The following SMYD3 variants were observed in gnomAD, a reference collection of about 807,000 sequenced individuals.
SMYD3 encodes the protein histone-lysine N-methyltransferase SMYD3.
Under a neutral mutation model 57.7 loss-of-function variants are expected in SMYD3, and 36 were observed. The ratio of observed to expected loss-of-function variants is 0.62; its 90% CI spans 0.48 to 0.82. The LOEUF (loss-of-function observed/expected upper bound fraction) is 0.82. SMYD3 is among the 40% of genes least tolerant of loss of function. SMYD3 has a pLI of 0.00. For synonymous variants in SMYD3, 211 were observed against 195.0 expected, an observed-to-expected ratio of 1.08 and a Z score of -0.68; for missense variants, 515 against 538.8, an observed-to-expected ratio of 0.96 and a Z score of 0.44.
intron 1 of SMYD3, chr1:246,483,390 T>A (rs978733765): frequency 2.0e-4 from 30 of 152,198 alleles, no homozygotes; most frequent in African/African-American, 7.2e-4. Flanking sequence ...CAGTTATCAT[T>A]TATAGCATGA....
At chr1:246,442,555 A>T (rs926223653) in intron 1 of SMYD3, among the ~76,000 whole-genome samples, 1 of 151,866 alleles carries the variant, frequency 6.6e-6, no homozygotes, top group Non-Finnish European at 1.5e-5. Context: ...TCTCAAAAAA[A>T]AATAAAATAA....
At chr1:246,221,310 C>T (rs2063250457) in intron 5 of SMYD3, among the ~76,000 whole-genome samples, 2 of 152,192 alleles carry the variant, frequency 1.3e-5, no homozygotes, top group Non-Finnish European at 2.9e-5. Flanking sequence ...AGTAAAGCTC[C>T]TCTTCATCCT....
At chr1:246,235,977 A>G (rs1240773475) in intron 5 of SMYD3, among the ~76,000 whole-genome samples, 3 of 152,208 alleles carry the variant, frequency 2.0e-5, no homozygotes, top group Non-Finnish European at 4.4e-5. Flanking sequence ...CCATCATCAC[A>G]GAAAGCACTA....
chr1:246,453,783 C>T (rs2067664708), intron 1 of SMYD3, among the ~76,000 whole-genome samples: 1 of 152,142 alleles, frequency 6.6e-6, no homozygotes, highest in Non-Finnish European at 1.5e-5. Flanking sequence ...ATCTTTTAGG[C>T]CAACCCTTAA....
At chr1:246,057,847 C>A (rs1234954052) in intron 5 of SMYD3, among the ~76,000 whole-genome samples, 1 of 152,192 alleles carries the variant, frequency 6.6e-6, no homozygotes, top group Non-Finnish European at 1.5e-5. Flanking sequence ...TTGGAAGTAA[C>A]CCAGATGGCC....
chr1:245,889,119 T>G (rs1558461383), intron 8 of SMYD3, among the ~76,000 whole-genome samples: 1 of 152,202 alleles, frequency 6.6e-6, no homozygotes, highest in African/African-American at 2.4e-5. Flanking sequence ...GGCAGAGACC[T>G]ATAGAACTCC....
At chr1:246,481,591 TCC>T (rs1266184576) in intron 1 of SMYD3, among the ~76,000 whole-genome samples, 14 of 79,306 alleles carry the variant, frequency 1.8e-4, no homozygotes, top group African/African-American at 7.8e-4. Context: ...CTTCTCAGGC[TCC>T]ATATATATAT....
At chr1:246,253,464 G>A (rs1403642058) in intron 5 of SMYD3, among the ~76,000 whole-genome samples, 1 of 152,120 alleles carries the variant, frequency 6.6e-6, no homozygotes, top group East Asian at 1.9e-4. Flanking sequence ...CTTTCTTAAG[G>A]CCACATTGTA....
intron 10 of SMYD3, among the ~76,000 whole-genome samples, chr1:245,813,980 G>A (rs182654415): frequency 1.3e-5 from 2 of 150,806 alleles, no homozygotes; most frequent in African/African-American, 4.9e-5. Context: ...TTTCTTCATT[G>A]TTTCACCTTT....
intron 5 of SMYD3, among the ~76,000 whole-genome samples, chr1:246,138,367 A>G (rs1264498316): frequency 6.6e-6 from 1 of 151,970 alleles, no homozygotes; most frequent in Non-Finnish European, 1.5e-5. Context: ...AAAACAAAAA[A>G]CCTGACTGCA....
chr1:246,439,116 G>T (rs954713914), intron 1 of SMYD3, among the ~76,000 whole-genome samples: 13 of 134,836 alleles, frequency 9.6e-5, no homozygotes, highest in Admixed American at 3.8e-4. Context: ...GGGGGGGGGG[G>T]TTCCCAATTT....
intron 5 of SMYD3, among the ~76,000 whole-genome samples, chr1:245,992,807 G>C (rs112769276): frequency 4.5e-3 from 1 of 222 alleles, no homozygotes. Flanking sequence ...TCATGGATCG[G>C]CCACTTCTAG....
At chr1:246,478,789 C>T (rs1198502626) in intron 1 of SMYD3, among the ~76,000 whole-genome samples, 1 of 35,452 alleles carries the variant, frequency 2.8e-5, no homozygotes, top group African/African-American at 7.3e-5. Flanking sequence ...ACCTGTCCTC[C>T]GTCCTGGAGC....
At chr1:245,842,675 C>T (rs1236564760) in intron 10 of SMYD3, among the ~76,000 whole-genome samples, 1 of 152,116 alleles carries the variant, frequency 6.6e-6, no homozygotes, top group African/African-American at 2.4e-5. Context: ...CACTCATCTC[C>T]ACTGGTGAAA....
chr1:246,457,375 T>C (rs1318289519), intron 1 of SMYD3, among the ~76,000 whole-genome samples: 2 of 151,164 alleles, frequency 1.3e-5, no homozygotes, highest in South Asian at 2.1e-4. Context: ...CTATTAAAAA[T>C]ACAAAAAATT....
chr1:246,306,096 C>A (rs1171332575), intron 5 of SMYD3: 2 of 152,288 alleles, frequency 1.3e-5, no homozygotes, highest in East Asian at 3.9e-4. Context: ...TCAACAGGAT[C>A]CCAGCACATT....
intron 10 of SMYD3, among the ~76,000 whole-genome samples, chr1:245,765,925 C>G (rs1466935853): frequency 6.6e-6 from 1 of 152,136 alleles, no homozygotes; most frequent in African/African-American, 2.4e-5. Flanking sequence ...CCAGGAGAGA[C>G]AGGTATGTTC....
At chr1:245,820,905 C>G (rs1237662392) in intron 10 of SMYD3, among the ~76,000 whole-genome samples, 4,368 of 150,006 alleles carry the variant, frequency 0.029, 186 homozygotes, top group African/African-American at 0.096. Flanking sequence ...AGGATACAAA[C>G]AAATGGAAGA....
At chr1:246,227,942 C>T (rs1055108355) in intron 5 of SMYD3, among the ~76,000 whole-genome samples, 8 of 148,378 alleles carry the variant, frequency 5.4e-5, no homozygotes, top group Non-Finnish European at 1.0e-4. Flanking sequence ...CACCACATTT[C>T]CTTATTTTTA....
Sources: gnomAD v4.1 joint callset for allele counts (sites outside exome capture counted in the v4.1 genomes callset) on GRCh38, gnomAD v4.1.1 for gene constraint, MANE v1.5 for transcripts, NCBI Gene and HGNC (gene_info 2026-07-23, HGNC 2026-07-21) for gene names.